Variants in ZNF618 observed in about 807,000 individuals in gnomAD.
ZNF618 encodes the protein zinc finger protein 618.
A neutral mutation model predicts 103.0 loss-of-function variants in ZNF618; 34 were observed. That is an observed-to-expected ratio of 0.33 (90% CI 0.25 to 0.44). The LOEUF is 0.44. Ranked by LOEUF, ZNF618 falls within the 20% of genes least tolerant of loss-of-function variation. The probability of loss-of-function intolerance (pLI) is 1.00; values close to 1 mark genes in which losing one functional copy is unlikely to be tolerated. For missense variants in ZNF618, 1,059 were observed against 1,295.4 expected (o/e 0.82, Z 2.80); for synonymous variants, 551 against 542.2 (o/e 1.02, Z -0.23).
At chr9:114,037,411 A>G (rs1377757690) in intron 13 of ZNF618, among the ~76,000 whole-genome samples, 1 of 152,202 alleles carries the variant, frequency 6.6e-6, no homozygotes, top group East Asian at 1.9e-4. Flanking sequence ...AGAATTAGCC[A>G]CATGACCAGC....
At chr9:113,879,877 C>T (rs1828351039) in intron 1 of ZNF618, among the ~76,000 whole-genome samples, 1 of 151,468 alleles carries the variant, frequency 6.6e-6, no homozygotes, top group Non-Finnish European at 1.5e-5. Context: ...AAGAGGTTTG[C>T]TTATACTTCC....
chr9:114,039,905 C>T (rs1844983002), intron 13 of ZNF618, among the ~76,000 whole-genome samples: 1 of 150,828 alleles, frequency 6.6e-6, no homozygotes, highest in Non-Finnish European at 1.5e-5. Context: ...TTTATTCCAG[C>T]TTCGCATCCA....
chr9:113,987,502 G>C (rs1004571736), intron 2 of ZNF618, among the ~76,000 whole-genome samples: 1 of 152,224 alleles, frequency 6.6e-6, no homozygotes, highest in African/African-American at 2.4e-5. Context: ...TCAACCTAGT[G>C]AGTCTTTTTG....
rs1385703283 is a variant in ZNF618, at chr9:114,017,023, G to A, written c.844+239G>A. On this transcript the variant is annotated intron_variant, in intron 10 of 14. Transcript: ENST00000374126. ...CGAGCCCTCCCTTAGTGGACTCAGA[G>A]TCCTGTGCCCACATGATTGGGGTGA... 3 of 548,976 alleles carry A rather than the reference G, an allele frequency of 5.5e-6. No homozygotes were observed. In the African/African-American group the frequency reaches 5.8e-5, roughly 11 times the overall value. The allele number at this position is 548,976 out of a possible 1,614,324, so 34.0% of individuals were successfully genotyped here.
intron 1 of ZNF618, among the ~76,000 whole-genome samples, chr9:113,961,881 T>A (rs986053432): frequency 6.6e-6 from 1 of 152,220 alleles, no homozygotes; most frequent in African/African-American, 2.4e-5. Flanking sequence ...GAAAAACAGT[T>A]CATCCATATG....
At position 113,973,548 on chromosome 9, in the gene ZNF618, A is replaced by C. The variant is rs530675050; in HGVS notation, c.77+4388A>C. On this transcript the variant is annotated intron_variant, in intron 2 of 14. Transcript: ENST00000374126. ...GTTTGGTTTACTTCCCTGTAACCCAAACTGGGTCGATTTTACAAGACCAGT... is the reference window on the plus strand; with the variant it reads ...GTTTGGTTTACTTCCCTGTAACCCACACTGGGTCGATTTTACAAGACCAGT... Among the ~76,000 whole-genome samples, 3 of 152,278 alleles carry C rather than the reference A, an allele frequency of 2.0e-5. No homozygotes were observed. The South Asian group carries it at 6.2e-4, about 32-fold the overall frequency.
chr9:113,966,776 A>G (rs1837444364), intron 1 of ZNF618, among the ~76,000 whole-genome samples: 1 of 152,086 alleles, frequency 6.6e-6, no homozygotes, highest in Admixed American at 6.6e-5. Flanking sequence ...AACATCCCAC[A>G]CCCTGCCCAG....
chr9:113,976,450 C>T (rs527318308), intron 2 of ZNF618, among the ~76,000 whole-genome samples: 1 of 152,274 alleles, frequency 6.6e-6, no homozygotes, highest in East Asian at 1.9e-4. Flanking sequence ...GAGAAGGCAA[C>T]CCAGGAAATT....
chr9:113,877,592 A>G (rs982182234), intron 1 of ZNF618, among the ~76,000 whole-genome samples: 1 of 152,108 alleles, frequency 6.6e-6, no homozygotes, highest in Non-Finnish European at 1.5e-5. Flanking sequence ...AAGAAAACAG[A>G]AACTAGAAAA....
At chr9:113,890,170 A>G (rs892903296) in intron 1 of ZNF618, among the ~76,000 whole-genome samples, 3 of 152,158 alleles carry the variant, frequency 2.0e-5, no homozygotes, top group African/African-American at 7.2e-5. Context: ...TTTTTTCCCA[A>G]GCGAAAATAG....
rs62559167 is a variant in ZNF618 at position 113,898,163 on chromosome 9, C to T, written c.33+21750C>T. 7.2e-5 allele frequency among the ~76,000 whole-genome samples: 11 copies of T among 152,234 alleles called. No homozygotes were observed. The East Asian group carries it at 1.9e-3, about 27-fold the overall frequency. On this transcript the variant is annotated intron_variant, in intron 1 of 14. Coordinates refer to ENST00000374126, the MANE Select transcript of ZNF618 (RefSeq NM_001318042.2). ...TCCTAGAGCTTCTCTTTCTGTTTCACTCTGTTCTTGTCTTTAATTTTACTG... is the reference window on the plus strand; with the variant it reads ...TCCTAGAGCTTCTCTTTCTGTTTCATTCTGTTCTTGTCTTTAATTTTACTG...
intron 5 of ZNF618, 21 bp from the exon 6 acceptor site, chr9:114,002,603 C>CCT (rs3034072): frequency 0.33 from 496,372 of 1,512,762 alleles, 57,888 homozygotes; most frequent in East Asian, 0.56. Flanking sequence ...CACCCCCATC[C>CCT]CTCTCTCTCT....
Position 113,988,306 on chromosome 9 carries a change from T to C in ZNF618, c.78-15T>C. The C allele has an allele frequency of 6.2e-7, 1 of 1,605,534 alleles. No homozygotes were observed. Among genetic ancestry groups the C allele is most frequent in the Middle Eastern group, 1.7e-4 (1 of 6,036 alleles). On this transcript the variant is annotated splice_polypyrimidine_tract_variant and intron_variant, in intron 2 of 14. Transcript: ENST00000374126. ...TGGAGGAAGAAGGTATTGAACGGAG[T>C]TTCTTCTTTCCCAGGGAGCGCTTGA... is the stretch of plus-strand genomic sequence containing the variant.
intron 13 of ZNF618, among the ~76,000 whole-genome samples, chr9:114,043,930 T>C (rs879779704): frequency 1.3e-5 from 2 of 152,180 alleles, no homozygotes; most frequent in African/African-American, 2.4e-5. Context: ...GTTTGAGTTC[T>C]TCATAGATTC....
chr9:113,949,238 T>C (rs924756483), intron 1 of ZNF618, among the ~76,000 whole-genome samples: 1 of 152,186 alleles, frequency 6.6e-6, no homozygotes, highest in African/African-American at 2.4e-5. Context: ...CTGCATGCAT[T>C]TGAAAAGATA....
intron 11 of ZNF618, among the ~76,000 whole-genome samples, chr9:114,031,239 C>T (rs1844002442): frequency 6.6e-6 from 1 of 152,170 alleles, no homozygotes; most frequent in Non-Finnish European, 1.5e-5. Context: ...CCCCCACCCC[C>T]ACCCCTTTCC....
At chr9:113,973,336 T>C (rs1838177941) in intron 2 of ZNF618, among the ~76,000 whole-genome samples, 1 of 152,186 alleles carries the variant, frequency 6.6e-6, no homozygotes, top group Non-Finnish European at 1.5e-5. Flanking sequence ...TGGCACACTC[T>C]GCTACTACGC....
At chr9:114,021,777 G>A (rs1449650680) in intron 10 of ZNF618, among the ~76,000 whole-genome samples, 2 of 151,950 alleles carry the variant, frequency 1.3e-5, no homozygotes, top group African/African-American at 4.8e-5. Context: ...TCCTATTACT[G>A]TAAATTAGTT....
At chr9:113,896,047 G>A (rs1299688408) in intron 1 of ZNF618, among the ~76,000 whole-genome samples, 8 of 120,310 alleles carry the variant, frequency 6.6e-5, no homozygotes, top group Admixed American at 6.5e-4. Flanking sequence ...GATTTTTTTT[G>A]TAGTTGTATT....
Sources: gnomAD v4.1 joint callset for allele counts (sites outside exome capture counted in the v4.1 genomes callset) on GRCh38, gnomAD v4.1.1 for gene constraint, MANE v1.5 for transcripts, NCBI Gene and HGNC (gene_info 2026-07-23, HGNC 2026-07-21) for gene names.